Variants in EEFSEC observed in about 807,000 individuals in gnomAD.
The protein encoded by EEFSEC is selenocysteine-specific elongation factor.
Under a neutral mutation model 42.1 loss-of-function variants are expected in EEFSEC, and 43 were observed. That is an observed-to-expected ratio of 1.02 (90% CI 0.80 to 1.32). The LOEUF (loss-of-function observed/expected upper bound fraction) is 1.32. Among genes scored for constraint, EEFSEC ranks in the 40% most tolerant of loss-of-function variants. EEFSEC has a pLI of 0.00. For synonymous variants in EEFSEC, 354 were observed against 339.1 expected (o/e 1.04, Z -0.48); for missense variants, 745 against 803.6 (o/e 0.93, Z 0.88).
chr3:128,400,146 A>G (rs58817699), intron 6 of EEFSEC, among the ~76,000 whole-genome samples: 5,153 of 152,184 alleles, frequency 0.034, 272 homozygotes, highest in African/African-American at 0.12. Context: ...GCCTCCAGCC[A>G]CGCCCTGACT....
chr3:128,318,493 C>T (rs1308229200), intron 4 of EEFSEC, among the ~76,000 whole-genome samples: 1 of 152,218 alleles, frequency 6.6e-6, no homozygotes, highest in South Asian at 2.1e-4. Context: ...TCTCCCTGCA[C>T]CCTTCACCCA....
chr3:128,241,865 G>A (rs536363598), intron 1 of EEFSEC, among the ~76,000 whole-genome samples: 12 of 152,272 alleles, frequency 7.9e-5, no homozygotes, highest in South Asian at 6.2e-4. Flanking sequence ...CAGTATCATC[G>A]TCCTTGTATA....
intron 1 of EEFSEC, among the ~76,000 whole-genome samples, chr3:128,203,793 G>A (rs533402922): frequency 1.3e-5 from 2 of 152,302 alleles, no homozygotes; most frequent in African/African-American, 4.8e-5. Context: ...CTATCTTATT[G>A]ATTTAATAAT....
intron 4 of EEFSEC, among the ~76,000 whole-genome samples, chr3:128,308,920 C>G (rs926626782): frequency 1.3e-5 from 2 of 152,222 alleles, no homozygotes; most frequent in African/African-American, 4.8e-5. Flanking sequence ...GTCTTGCAGC[C>G]TGCTAAAGAG....
intron 2 of EEFSEC, among the ~76,000 whole-genome samples, chr3:128,258,668 G>A (rs149629181): frequency 6.6e-6 from 1 of 152,260 alleles, no homozygotes; most frequent in African/African-American, 2.4e-5. Context: ...ATTTATGTCT[G>A]CAATTTGAAA....
At chr3:128,321,390 A>G (rs1209288551) in intron 4 of EEFSEC, among the ~76,000 whole-genome samples, 1 of 152,088 alleles carries the variant, frequency 6.6e-6, no homozygotes, top group Non-Finnish European at 1.5e-5. Flanking sequence ...GCTGGCCCTC[A>G]GGGGGCAGCC....
intron 4 of EEFSEC, among the ~76,000 whole-genome samples, chr3:128,326,609 C>T (rs1310754964): frequency 1.3e-5 from 2 of 152,194 alleles, no homozygotes; most frequent in African/African-American, 2.4e-5. Flanking sequence ...CTCTTCCTCC[C>T]AGCACCTGAC....
intron 4 of EEFSEC, among the ~76,000 whole-genome samples, chr3:128,324,828 A>G (rs915366871): frequency 1.6e-4 from 25 of 152,348 alleles, no homozygotes; most frequent in African/African-American, 5.8e-4. Context: ...ATATGCTAAT[A>G]CTAAAGGCTA....
chr3:128,289,256 C>T (rs913404784), intron 4 of EEFSEC, among the ~76,000 whole-genome samples: 3 of 152,160 alleles, frequency 2.0e-5, no homozygotes, highest in African/African-American at 7.2e-5. Context: ...ATATAGGTTC[C>T]CCACTCCCGC....
intron 4 of EEFSEC, among the ~76,000 whole-genome samples, chr3:128,333,657 G>A (rs1057255674): frequency 1.3e-5 from 2 of 152,126 alleles, no homozygotes; most frequent in African/African-American, 4.8e-5. Flanking sequence ...TCGGCCCTGT[G>A]GTAACATAAT....
intron 6 of EEFSEC, among the ~76,000 whole-genome samples, chr3:128,388,266 G>A (rs1385284065): frequency 6.6e-6 from 1 of 152,112 alleles, no homozygotes; most frequent in Non-Finnish European, 1.5e-5. Flanking sequence ...TCTTGCCCCC[G>A]CCTCCACTAA....
intron 1 of EEFSEC, among the ~76,000 whole-genome samples, chr3:128,211,669 C>T (rs2065757351): frequency 6.6e-6 from 1 of 151,584 alleles, no homozygotes; most frequent in African/African-American, 2.4e-5. Context: ...GTGCATGCCA[C>T]TGTGCCCAGC....
intron 4 of EEFSEC, among the ~76,000 whole-genome samples, chr3:128,327,208 G>T (rs973161160): frequency 6.6e-6 from 1 of 151,608 alleles, no homozygotes; most frequent in Non-Finnish European, 1.5e-5. Flanking sequence ...CCATCTTCTT[G>T]TGTACACCTG....
chr3:128,264,873 C>T (rs2066337015), intron 4 of EEFSEC, 92 bp downstream of exon 4: 2 of 1,434,742 alleles, frequency 1.4e-6, no homozygotes, highest in East Asian at 2.4e-5. Context: ...GAGCCTGCTG[C>T]TGTGCCTGCC....
intron 5 of EEFSEC, among the ~76,000 whole-genome samples, chr3:128,350,494 G>A (rs2067371811): frequency 1.3e-5 from 2 of 152,216 alleles, no homozygotes; most frequent in South Asian, 4.1e-4. Flanking sequence ...CTGAAACAGA[G>A]GTTGAGAAGC....
chr3:128,156,951 T>C (rs1944391313), intron 1 of EEFSEC, among the ~76,000 whole-genome samples: 1 of 152,202 alleles, frequency 6.6e-6, no homozygotes, highest in Non-Finnish European at 1.5e-5. Context: ...ATGAAGGCAA[T>C]GTTGAAGACT....
chr3:128,325,753 A>G (rs999204416), intron 4 of EEFSEC, among the ~76,000 whole-genome samples: 3 of 152,218 alleles, frequency 2.0e-5, no homozygotes, highest in Non-Finnish European at 4.4e-5. Context: ...TTTTAAATAC[A>G]TTTTTATACC....
chr3:128,275,883 G>A (rs1268958927), intron 4 of EEFSEC, among the ~76,000 whole-genome samples: 3 of 152,238 alleles, frequency 2.0e-5, no homozygotes, highest in Non-Finnish European at 4.4e-5. Context: ...TCTAGAAGAT[G>A]TTCCAGCTGG....
chr3:128,160,876 G>A (rs2065179929), intron 1 of EEFSEC, among the ~76,000 whole-genome samples: 1 of 152,146 alleles, frequency 6.6e-6, no homozygotes, highest in Non-Finnish European at 1.5e-5. Flanking sequence ...CTTGATGCAT[G>A]TGGCCACAGA....
Sources: gnomAD v4.1 joint callset for allele counts (sites outside exome capture counted in the v4.1 genomes callset) on GRCh38, gnomAD v4.1.1 for gene constraint, MANE v1.5 for transcripts, NCBI Gene and HGNC (gene_info 2026-07-23, HGNC 2026-07-21) for gene names.